The following CADM2 variants were observed in gnomAD, a reference collection of about 807,000 sequenced individuals.
The protein encoded by CADM2 is immunoglobulin superfamily member 4D.
Under a neutral mutation model 49.8 loss-of-function variants are expected in CADM2, and 12 were observed. That is an observed-to-expected ratio of 0.24 (90% confidence interval 0.15 to 0.39). The LOEUF (loss-of-function observed/expected upper bound fraction) is 0.39. Ranked by LOEUF, CADM2 falls within the 10% of genes least tolerant of loss-of-function variation. The pLI, the probability that CADM2 is intolerant of heterozygous loss-of-function variation, is 1.00. For missense variants in CADM2, 378 were observed against 492.3 expected, an observed-to-expected ratio of 0.77 and a Z score of 2.20; for synonymous variants, 214 against 175.4, an observed-to-expected ratio of 1.22 and a Z score of -1.74.
At chr3:85,561,034 G>A (rs1258311563) in intron 1 of CADM2, among the ~76,000 whole-genome samples, 1 of 152,050 alleles carries the variant, frequency 6.6e-6, no homozygotes, top group Non-Finnish European at 1.5e-5. Flanking sequence ...CATGCTTATT[G>A]TCTAGGATAG....
intron 1 of CADM2, among the ~76,000 whole-genome samples, chr3:85,169,889 A>G (rs1316691519): frequency 6.6e-6 from 1 of 152,236 alleles, no homozygotes; most frequent in Non-Finnish European, 1.5e-5. Flanking sequence ...ACCACAGACC[A>G]TGATACCACT....
chr3:85,905,321 T>C (rs1480963920), intron 5 of CADM2, among the ~76,000 whole-genome samples: 1 of 152,190 alleles, frequency 6.6e-6, no homozygotes, highest in African/African-American at 2.4e-5. Context: ...CATATCCCTC[T>C]AGATTTTGTA....
At chr3:84,975,540 A>G (rs1032469543) in intron 1 of CADM2, among the ~76,000 whole-genome samples, 2 of 151,808 alleles carry the variant, frequency 1.3e-5, no homozygotes, top group African/African-American at 2.4e-5. Flanking sequence ...GTTTTAACCA[A>G]ATACCTCCTT....
chr3:85,471,634 G>T (rs2038769844), intron 1 of CADM2, among the ~76,000 whole-genome samples: 1 of 151,672 alleles, frequency 6.6e-6, no homozygotes, highest in East Asian at 1.9e-4. Context: ...AAATTCCATA[G>T]TTAATTTAAG....
intron 1 of CADM2, among the ~76,000 whole-genome samples, chr3:84,967,916 T>A (rs2031128515): frequency 6.6e-6 from 1 of 152,004 alleles, no homozygotes; most frequent in African/African-American, 2.4e-5. Context: ...GGGAAAGGAA[T>A]GTGAGTCAGC....
At chr3:85,765,583 A>T (rs9881886) in intron 2 of CADM2, among the ~76,000 whole-genome samples, 99,306 of 151,758 alleles carry the variant, frequency 0.65, 32,831 homozygotes, top group East Asian at 0.76. Flanking sequence ...ATTCCTTTAT[A>T]TGGGTTCTAA....
At position 85,532,146 on chromosome 3, in the gene CADM2, T is replaced by C. The variant is rs188046153; in HGVS notation, c.62-194376T>C. ...GAGCCGAGATCCCGCCATTGCACTC[T>C]AGCCTGGGCGACAGAGCGAGACTCC... On this transcript the variant is annotated intron_variant, in intron 1 of 9. Transcript: ENST00000383699. Among the ~76,000 whole-genome samples the C allele has an allele frequency of 1.8e-4, 28 of 152,048 alleles. No individual in the cohort carries two copies. The East Asian group carries it at 2.1e-3, about 12-fold the overall frequency.
chr3:85,319,812 A>G (rs1158173227), intron 1 of CADM2, among the ~76,000 whole-genome samples: 1 of 152,132 alleles, frequency 6.6e-6, no homozygotes, highest in Non-Finnish European at 1.5e-5. Context: ...CAGAAAAAAT[A>G]CCTATTGGGT....
At chr3:86,018,539 G>A (rs1190060862) in intron 8 of CADM2, among the ~76,000 whole-genome samples, 4 of 152,140 alleles carry the variant, frequency 2.6e-5, no homozygotes, top group Non-Finnish European at 1.5e-5. Flanking sequence ...TCTAGCACCT[G>A]TTGTTTCCTG....
chr3:86,071,648 A>G lies in CADM2; in HGVS notation c.*4865A>G, dbSNP rs1388531356. 6.6e-6 allele frequency: 1 copy of G among 151,994 alleles called. No homozygotes were observed. Among genetic ancestry groups the G allele is most frequent in the Non-Finnish European group, 1.5e-5 (1 of 67,874 alleles). 9.4% of individuals were successfully genotyped at this position (151,994 alleles called of 1,614,324 possible). ...ATATCCCAGGAAGCATTCTTATGGA[A>G]CTATTATAACAGTGCACTCCCCACC... On this transcript the variant is annotated 3_prime_UTR_variant, in exon 10 of 10. Coordinates refer to ENST00000383699, the MANE Select transcript of CADM2 (RefSeq NM_001167675.2).
At chr3:85,803,588 C>T (rs866432266) in intron 3 of CADM2, among the ~76,000 whole-genome samples, 6 of 152,046 alleles carry the variant, frequency 3.9e-5, no homozygotes, top group Middle Eastern at 3.4e-3. Flanking sequence ...TGGGGTCTGG[C>T]AAGTTTGAAA....
At chr3:86,016,158 T>C (rs1013545062) in intron 8 of CADM2, among the ~76,000 whole-genome samples, 17 of 152,228 alleles carry the variant, frequency 1.1e-4, no homozygotes, top group African/African-American at 3.4e-4. Context: ...TTTTAGTACA[T>C]TCTAATACTA....
chr3:85,762,613 C>CTCTCTCTCTCTCTCTCTCTCTCTG (rs138508303), intron 2 of CADM2, among the ~76,000 whole-genome samples: 1 of 147,978 alleles, frequency 6.8e-6, no homozygotes, highest in Non-Finnish European at 1.5e-5. Flanking sequence ...CTCTCTCTCT[C>CTCTCTCTCTCTCTCTCTCTCTCTG]TCTCTCTCTG....
At chr3:85,146,683 A>G (rs1387912673) in intron 1 of CADM2, among the ~76,000 whole-genome samples, 2 of 152,214 alleles carry the variant, frequency 1.3e-5, no homozygotes, top group Admixed American at 6.5e-5. Flanking sequence ...TTAAGTTTCC[A>G]AATATCACTT....
intron 3 of CADM2, among the ~76,000 whole-genome samples, chr3:85,843,958 C>T (rs957619717): frequency 6.6e-6 from 1 of 151,960 alleles, no homozygotes; most frequent in Non-Finnish European, 1.5e-5. Flanking sequence ...ATTACTAGCA[C>T]CCAGGGAGTG....
chr3:85,807,048 T>A (rs2072477927), intron 3 of CADM2, among the ~76,000 whole-genome samples: 1 of 152,160 alleles, frequency 6.6e-6, no homozygotes, highest in Non-Finnish European at 1.5e-5. Context: ...CAGGTGTAGC[T>A]TTTGCCTTGA....
chr3:85,452,715 C>T (rs1466697366), intron 1 of CADM2, among the ~76,000 whole-genome samples: 1 of 152,102 alleles, frequency 6.6e-6, no homozygotes, highest in Non-Finnish European at 1.5e-5. Flanking sequence ...GAAGAACTGT[C>T]AAGGGCAGTT....
chr3:84,988,862 C>T (rs909815666), intron 1 of CADM2, among the ~76,000 whole-genome samples: 5 of 152,132 alleles, frequency 3.3e-5, no homozygotes, highest in African/African-American at 7.2e-5. Flanking sequence ...TACAGCTAAT[C>T]TCTCCTTTTA....
chr3:85,346,647 G>T (rs2030677465), intron 1 of CADM2, among the ~76,000 whole-genome samples: 1 of 152,154 alleles, frequency 6.6e-6, no homozygotes, highest in East Asian at 1.9e-4. Context: ...TGGGAAAAGA[G>T]TTAATATTGG....
Sources: gnomAD v4.1 joint callset for allele counts (sites outside exome capture counted in the v4.1 genomes callset) on GRCh38, gnomAD v4.1.1 for gene constraint, MANE v1.5 for transcripts, NCBI Gene and HGNC (gene_info 2026-07-23, HGNC 2026-07-21) for gene names.